Variants in ARHGEF3 observed in about 807,000 individuals in gnomAD.
The protein encoded by ARHGEF3 is 59.8 kDA protein.
In ARHGEF3, 28 loss-of-function variants were observed where a neutral mutation model predicts 63.2. That is an observed-to-expected ratio of 0.44 (90% confidence interval 0.33 to 0.61). The LOEUF is 0.61. Among genes scored for constraint, ARHGEF3 ranks in the 20% least tolerant of loss-of-function variants. The pLI is 0.03. For missense variants in ARHGEF3, 533 were observed against 659.3 expected (o/e 0.81, Z 2.10); for synonymous variants, 266 against 254.2 (o/e 1.05, Z -0.44).
intron 1 of ARHGEF3, among the ~76,000 whole-genome samples, chr3:57,061,450 A>G (rs192836683): frequency 5.9e-5 from 9 of 152,358 alleles, no homozygotes; most frequent in Admixed American, 5.9e-4. Context: ...GGTGTGAGCC[A>G]TCTCACTCAA....
intron 2 of ARHGEF3, among the ~76,000 whole-genome samples, chr3:56,968,312 A>ATAT (rs1560094736): frequency 1.1e-3 from 63 of 59,776 alleles, no homozygotes; most frequent in African/African-American, 3.2e-3. Context: ...TAATATATAT[A>ATAT]AAATATATTT....
At chr3:56,842,103 C>T (rs188582043) in intron 4 of ARHGEF3, among the ~76,000 whole-genome samples, 3 of 152,218 alleles carry the variant, frequency 2.0e-5, no homozygotes, top group African/African-American at 4.8e-5. Context: ...GTTAAGTTCT[C>T]GGTTACCAAG....
intron 3 of ARHGEF3, among the ~76,000 whole-genome samples, chr3:56,894,379 T>C (rs879412420): frequency 2.6e-5 from 4 of 152,226 alleles, no homozygotes; most frequent in Non-Finnish European, 5.9e-5. Context: ...GAAATTAATT[T>C]ATCTGAGTAT....
At position 56,728,694 on chromosome 3, in the gene ARHGEF3, G is replaced by A. The variant is rs942389693; in HGVS notation, c.*576C>T. On this transcript the variant is annotated 3_prime_UTR_variant, in exon 10 of 10. Transcript: ENST00000296315. Reference sequence around the variant, plus strand: ...GATGAAGTTGCAAAGTTCAGACAATGCATCCTCCTTTGCAAAATTAAGCCT... The same window carrying A: ...GATGAAGTTGCAAAGTTCAGACAATACATCCTCCTTTGCAAAATTAAGCCT... The A allele has an allele frequency of 6.5e-6, 1 of 152,850 alleles. No individual in the cohort carries two copies. Among genetic ancestry groups the A allele is most frequent in the African/African-American group, 2.4e-5 (1 of 41,466 alleles). The allele number at this position is 152,850 out of a possible 1,614,324, so 9.5% of individuals were successfully genotyped here.
At chr3:56,796,311 G>A (rs2037364119) in intron 1 of ARHGEF3, among the ~76,000 whole-genome samples, 1 of 152,194 alleles carries the variant, frequency 6.6e-6, no homozygotes, top group Non-Finnish European at 1.5e-5. Context: ...TCGAGAAAAT[G>A]ACACAATTTG....
At chr3:56,824,356 G>C (rs572290374) in intron 4 of ARHGEF3, among the ~76,000 whole-genome samples, 5 of 152,196 alleles carry the variant, frequency 3.3e-5, no homozygotes, top group African/African-American at 1.2e-4. Context: ...AATCATAAAT[G>C]GTTGCTTTAC....
intron 2 of ARHGEF3, among the ~76,000 whole-genome samples, chr3:56,966,462 C>A (rs985202920): frequency 4.6e-5 from 7 of 152,086 alleles, no homozygotes; most frequent in Non-Finnish European, 1.0e-4. Flanking sequence ...GGATTTATTG[C>A]ATATAATGAA....
chr3:56,820,163 T>C (rs1054116811), intron 4 of ARHGEF3, among the ~76,000 whole-genome samples: 1 of 152,174 alleles, frequency 6.6e-6, no homozygotes. Flanking sequence ...CCTACCAGTT[T>C]AATGGTCAAT....
intron 2 of ARHGEF3, among the ~76,000 whole-genome samples, chr3:56,986,043 A>C (rs1701523520): frequency 6.6e-6 from 1 of 152,150 alleles, no homozygotes; most frequent in African/African-American, 2.4e-5. Context: ...CAAACACCCC[A>C]GCACGCTGCA....
chr3:56,889,619 G>A (rs531573290), intron 3 of ARHGEF3, among the ~76,000 whole-genome samples: 195 of 152,332 alleles, frequency 1.3e-3, no homozygotes, highest in Non-Finnish European at 2.1e-3. Context: ...AAGTGAGTGA[G>A]TGCTGGAGAG....
intron 1 of ARHGEF3, among the ~76,000 whole-genome samples, chr3:57,053,093 G>A (rs1704744735): frequency 6.6e-6 from 1 of 152,212 alleles, no homozygotes; most frequent in Non-Finnish European, 1.5e-5. Flanking sequence ...TGCCTGCTAG[G>A]CAGGTTCCCA....
At chr3:56,729,691 C>T (rs1211328543) in intron 9 of ARHGEF3, 69 bp from the exon 10 acceptor site, 32 of 1,278,336 alleles carry the variant, frequency 2.5e-5, no homozygotes, top group African/African-American at 8.9e-5. Flanking sequence ...AGAGAACACA[C>T]GTAGTGACAC....
At chr3:56,962,582 C>CA (rs1700328154) in intron 2 of ARHGEF3, among the ~76,000 whole-genome samples, 1 of 152,154 alleles carries the variant, frequency 6.6e-6, no homozygotes, top group South Asian at 2.1e-4. Flanking sequence ...TAGAGGGATT[C>CA]ACAGGAAAGC....
chr3:56,825,391 C>T lies in ARHGEF3; in HGVS notation c.193-51575G>A, dbSNP rs141766957. 3.9e-5 allele frequency among the ~76,000 whole-genome samples: 6 copies of T among 152,294 alleles called. No individual in the cohort carries two copies. In the East Asian group the frequency reaches 1.2e-3, roughly 29 times the overall value. ...TTTAAGAATCCAGCCCAATTTGAGA[C>T]CTCATTCTTTTTCCAAACTATAGTC... On this transcript the variant is annotated intron_variant, in intron 4 of 12. Transcript: ENST00000338458.
chr3:56,746,492 G>A (rs1310481291), intron 6 of ARHGEF3, among the ~76,000 whole-genome samples: 1 of 152,198 alleles, frequency 6.6e-6, no homozygotes, highest in African/African-American at 2.4e-5. Context: ...AGCACATTGG[G>A]AAGCCGGGGC....
At chr3:56,857,005 C>T (rs1368912699) in intron 4 of ARHGEF3, among the ~76,000 whole-genome samples, 1 of 151,976 alleles carries the variant, frequency 6.6e-6, no homozygotes, top group Non-Finnish European at 1.5e-5. Flanking sequence ...CAGCCATGGG[C>T]CATATTTCTT....
intron 3 of ARHGEF3, among the ~76,000 whole-genome samples, chr3:56,925,237 T>A (rs1239760793): frequency 6.6e-6 from 1 of 152,238 alleles, no homozygotes; most frequent in African/African-American, 2.4e-5. Flanking sequence ...AGCCATGGCG[T>A]CTACACCTAC....
At chr3:56,771,053 C>T (rs1261329685) in intron 2 of ARHGEF3, among the ~76,000 whole-genome samples, 1 of 150,570 alleles carries the variant, frequency 6.6e-6, no homozygotes, top group South Asian at 2.1e-4. Flanking sequence ...GTGGAGGTTG[C>T]GGTGAGCTGA....
At chr3:56,884,576 A>T (rs1031303320) in intron 3 of ARHGEF3, among the ~76,000 whole-genome samples, 4 of 152,248 alleles carry the variant, frequency 2.6e-5, no homozygotes, top group African/African-American at 9.6e-5. Flanking sequence ...AGGAATGCTT[A>T]ATCAGCCATT....
Sources: gnomAD v4.1 joint callset for allele counts (sites outside exome capture counted in the v4.1 genomes callset) on GRCh38, gnomAD v4.1.1 for gene constraint, MANE v1.5 for transcripts, NCBI Gene and HGNC (gene_info 2026-07-23, HGNC 2026-07-21) for gene names.